Variants in CDH9 observed in about 807,000 individuals in gnomAD.
The protein encoded by CDH9 is cadherin 9.
Under a neutral mutation model 70.9 loss-of-function variants are expected in CDH9, and 28 were observed. The observed-to-expected ratio is 0.40, with a 90% CI of 0.29 to 0.54. The LOEUF (loss-of-function observed/expected upper bound fraction) is 0.54. Among genes scored for constraint, CDH9 ranks in the 20% least tolerant of loss-of-function variants. The probability of loss-of-function intolerance (pLI) is 0.59; values close to 1 mark genes in which losing one functional copy is unlikely to be tolerated. For missense variants in CDH9, 874 were observed against 984.4 expected, an observed-to-expected ratio of 0.89 and a Z score of 1.50; for synonymous variants, 409 against 343.1, an observed-to-expected ratio of 1.19 and a Z score of -2.12.
At chr5:27,018,819 A>G (rs1047483302) in intron 1 of CDH9, among the ~76,000 whole-genome samples, 3 of 151,986 alleles carry the variant, frequency 2.0e-5, no homozygotes, top group Non-Finnish European at 4.4e-5. Context: ...AGCAGAGAGC[A>G]GAGGACTCCT....
At chr5:26,965,962 CTTATG>C (rs1742122232) in intron 2 of CDH9, among the ~76,000 whole-genome samples, 1 of 152,080 alleles carries the variant, frequency 6.6e-6, no homozygotes, top group African/African-American at 2.4e-5. Context: ...TTTTGATGAA[CTTATG>C]TTATATTATA....
chr5:27,002,541 C>T (rs1273116679), intron 1 of CDH9, among the ~76,000 whole-genome samples: 1 of 152,086 alleles, frequency 6.6e-6, no homozygotes, highest in Non-Finnish European at 1.5e-5. Flanking sequence ...CAATGATAGA[C>T]TGGATTAAGA....
intron 2 of CDH9, among the ~76,000 whole-genome samples, chr5:26,935,169 A>G (rs994320796): frequency 6.6e-6 from 1 of 152,184 alleles, no homozygotes; most frequent in African/African-American, 2.4e-5. Context: ...AGTACTTAAC[A>G]GTTTCCAAAA....
At chr5:26,920,965 A>T (rs964254797) in intron 2 of CDH9, among the ~76,000 whole-genome samples, 1 of 152,328 alleles carries the variant, frequency 6.6e-6, no homozygotes, top group East Asian at 1.9e-4. Flanking sequence ...ACTGATGAAC[A>T]TCTTCAAGCA....
chr5:26,993,328 A>G (rs1742612427), intron 1 of CDH9, among the ~76,000 whole-genome samples: 2 of 152,218 alleles, frequency 1.3e-5, no homozygotes, highest in South Asian at 4.1e-4. Context: ...GAAATAGAAT[A>G]CATAGCTAAA....
At chr5:26,958,406 G>A (rs1233677594) in intron 2 of CDH9, among the ~76,000 whole-genome samples, 4 of 152,076 alleles carry the variant, frequency 2.6e-5, no homozygotes, top group African/African-American at 4.8e-5. Flanking sequence ...TTAACTAAAC[G>A]ATGACCTCCC....
intron 1 of CDH9, among the ~76,000 whole-genome samples, chr5:27,022,417 A>G (rs938244786): frequency 2.6e-5 from 4 of 152,128 alleles, no homozygotes; most frequent in African/African-American, 9.6e-5. Context: ...TCTCCATACC[A>G]CACAATTCCT....
intron 9 of CDH9, among the ~76,000 whole-genome samples, chr5:26,889,525 G>C (rs1740619294): frequency 6.6e-6 from 1 of 152,092 alleles, no homozygotes; most frequent in South Asian, 2.1e-4. Flanking sequence ...TATTAGTGAA[G>C]ATAACTCAGC....
intron 7 of CDH9, among the ~76,000 whole-genome samples, chr5:26,891,712 G>A (rs1740663448): frequency 1.3e-5 from 2 of 151,490 alleles, no homozygotes; most frequent in African/African-American, 2.4e-5. Flanking sequence ...AGTGAAATGG[G>A]AAGGCAGAAA....
intron 1 of CDH9, among the ~76,000 whole-genome samples, chr5:27,031,698 A>G (rs1296743162): frequency 6.6e-6 from 1 of 151,852 alleles, no homozygotes; most frequent in Admixed American, 6.6e-5. Context: ...TTGCATGCCT[A>G]ATAGGTCTGG....
chr5:26,957,404 G>A (rs1741964937), intron 2 of CDH9, among the ~76,000 whole-genome samples: 1 of 152,160 alleles, frequency 6.6e-6, no homozygotes, highest in Non-Finnish European at 1.5e-5. Context: ...GCTCACATCT[G>A]TAATCGTAGC....
intron 2 of CDH9, among the ~76,000 whole-genome samples, chr5:26,971,593 G>A (rs1256035968): frequency 6.6e-6 from 1 of 152,114 alleles, no homozygotes; most frequent in African/African-American, 2.4e-5. Context: ...TTTGCTTTAG[G>A]ATATTTGCTT....
At chr5:26,946,457 G>GAA (rs144098600) in intron 2 of CDH9, among the ~76,000 whole-genome samples, 1 of 151,346 alleles carries the variant, frequency 6.6e-6, no homozygotes, top group African/African-American at 2.4e-5. Flanking sequence ...CCATTTAGAA[G>GAA]AAAAAAAAGG....
At chr5:26,999,040 A>T (rs7718847) in intron 1 of CDH9, among the ~76,000 whole-genome samples, 3,340 of 152,074 alleles carry the variant, frequency 0.022, 138 homozygotes, top group African/African-American at 0.076. Flanking sequence ...AGGCCAGGAG[A>T]TCGAGACCAT....
At chr5:27,002,918 T>TA (rs750309112) in intron 1 of CDH9, among the ~76,000 whole-genome samples, 35 of 149,082 alleles carry the variant, frequency 2.3e-4, no homozygotes, top group Non-Finnish European at 4.2e-4. Context: ...TAAAGTATAA[T>TA]AAAAAAAGAT....
At chr5:26,929,812 C>T (rs10942218) in intron 2 of CDH9, among the ~76,000 whole-genome samples, 16,917 of 151,662 alleles carry the variant, frequency 0.11, 1,662 homozygotes, top group East Asian at 0.51. Context: ...TTCATGGAGA[C>T]AGAGAGTAGA....
At position 26,969,707 on chromosome 5, in the gene CDH9, G is replaced by A. The variant is rs188212943; in HGVS notation, c.228+18399C>T. The stretch of plus-strand genomic sequence containing the variant: ...AACATATTTAATCCATAGCTGTATA[G>A]TTTGATTGCACTGGTATTGATACTT... On this transcript the variant is annotated intron_variant, in intron 2 of 11. Coordinates refer to ENST00000231021, the MANE Select transcript of CDH9 (RefSeq NM_016279.4). Among the ~76,000 whole-genome samples, 121 of 152,074 alleles carry A rather than the reference G, an allele frequency of 8.0e-4. 1 individual carries two copies. The Middle Eastern group carries it at 0.014, about 17-fold the overall frequency.
In CDH9 at chr5:26,889,871, C is replaced by A. The variant is rs756298690; in HGVS notation, c.1477G>T (p.Glu493Ter). The A allele has an allele frequency of 6.3e-7, 1 of 1,599,510 alleles. No individual in the cohort carries two copies. Among genetic ancestry groups the A allele is most frequent in the African/African-American group, 1.3e-5 (1 of 74,562 alleles). ...TTTGCATTTTCACAAACAAATGTTT[C>A]ATAATACATGGCAAATTCCGGAGCA... is the stretch of plus-strand genomic sequence containing the variant. Reference protein sequence around the residue: ...DHAPEFAMYYETFVCENAKPG... With the variant: ...DHAPEFAMYY The change falls in exon 9 of 12, where the codon GAA becomes TAA. Residue 493 changes from glutamate to a stop codon, truncating the protein, a stop_gained. Transcript: ENST00000231021. LOFTEE classifies it high-confidence loss of function.
At chr5:27,028,125 T>A (rs974016817) in intron 1 of CDH9, 4 of 152,120 alleles carry the variant, frequency 2.6e-5, no homozygotes, top group Non-Finnish European at 5.9e-5. Flanking sequence ...ACGCCTGTAA[T>A]CCTAGCACTT....
Sources: allele counts gnomAD v4.1 joint callset (sites outside exome capture counted in the v4.1 genomes callset), GRCh38; gene constraint gnomAD v4.1.1; transcripts MANE v1.5; gene names NCBI Gene and HGNC (gene_info 2026-07-23, HGNC 2026-07-21).